The following PRPF8 variants were observed in gnomAD, a reference collection of about 807,000 sequenced individuals.
PRPF8 encodes the protein pre-mRNA-processing-splicing factor 8.
In PRPF8, 64 loss-of-function variants were observed where a neutral mutation model predicts 285.9. The observed-to-expected ratio is 0.22, with a 90% confidence interval of 0.18 to 0.28. PRPF8 has a LOEUF of 0.28. Ranked by LOEUF, PRPF8 falls within the 10% of genes least tolerant of loss-of-function variation. The pLI, the probability that PRPF8 is intolerant of heterozygous loss-of-function variation, is 1.00. For missense variants in PRPF8, 1,426 were observed against 3,026.7 expected (o/e 0.47, Z 12.41); for synonymous variants, 1,325 against 1,118.2 (o/e 1.18, Z -3.69).
chr17:1,674,930 C>T (rs1206205766), intron 20 of PRPF8, among the ~76,000 whole-genome samples: 2 of 152,110 alleles, frequency 1.3e-5, no homozygotes, highest in East Asian at 1.9e-4. Context: ...CACCACCACA[C>T]CCAACTAATT....
At chr17:1,672,273 C>CT (rs1338921951) in intron 24 of PRPF8, among the ~76,000 whole-genome samples, 1 of 151,928 alleles carries the variant, frequency 6.6e-6, no homozygotes, top group Non-Finnish European at 1.5e-5. Flanking sequence ...AGTAAGGTAA[C>CT]TTTTTTTTGT....
At chr17:1,683,467 A>G in intron 3 of PRPF8, 66 bp downstream of exon 3, 1 of 1,554,634 alleles carries the variant, frequency 6.4e-7, no homozygotes, top group Non-Finnish European at 8.9e-7. Context: ...TCAATCCAAG[A>G]CTGTGGGACA....
chr17:1,678,324 C>CA (rs371598206), intron 13 of PRPF8, 194 bp downstream of exon 13: 7,448 of 576,716 alleles, frequency 0.013, 85 homozygotes, highest in African/African-American at 0.063. Flanking sequence ...CAAAACAAAA[C>CA]AAAAAAAAAA....
At position 1,651,337 on chromosome 17, in the gene PRPF8, C is replaced by T. The variant is rs773668031; in HGVS notation, c.6651-27G>A. The T allele has an allele frequency of 5.6e-6, 9 of 1,613,930 alleles. No individual in the cohort carries two copies. The South Asian group carries it at 8.8e-5, about 16-fold the overall frequency. On this transcript the variant is annotated intron_variant, in intron 41 of 42. Transcript: ENST00000304992. The surrounding 1 kb of genome is among the most constrained non-coding windows in gnomAD (Gnocchi z 5.1). ...TGGGGGAGGAACGAGGACAGAGTAA[C>T]AGCTCAGGCCACTGTTCTGGGCCCT... is the stretch of plus-strand genomic sequence containing the variant.
At chr17:1,654,973 TTTTG>T in intron 37 of PRPF8, 3 of 197,018 alleles carry the variant, frequency 1.5e-5, no homozygotes, top group South Asian at 8.9e-5. Flanking sequence ...TTTTTTTTTT[TTTTG>T]GAGACAGTCT....
rs113600062 is a variant in PRPF8 at position 1,662,593 on chromosome 17, GAAAA to G, written c.3775-444_3775-441del. Among the ~76,000 whole-genome samples, 3 of 132,828 alleles carry G rather than the reference GAAAA, an allele frequency of 2.3e-5. No individual in the cohort carries two copies. In the South Asian group the frequency reaches 7.3e-4, roughly 32 times the overall value. The allele number at this position is 132,828 out of a possible 152,430, so 87.1% of individuals were successfully genotyped here. A position where few individuals can be genotyped will look rare whatever the true frequency, so the allele number is the denominator to read the frequency against. On this transcript the variant is annotated intron_variant, in intron 24 of 42. Transcript: ENST00000304992. The stretch of plus-strand genomic sequence containing the variant: ...AACACAGCGAGACTCCATCTCAGGG[GAAAA>G]AAAAAAAAAAATGGTTCCCCTGGGC...
In PRPF8 at chr17:1,673,751, A is replaced by G; in HGVS notation, c.3441T>C (p.Val1147=). The G allele has an allele frequency of 1.9e-6, 3 of 1,614,020 alleles. No homozygotes were observed. The highest frequency in any genetic ancestry group is 2.5e-6 in the Non-Finnish European group (3 of 1,180,024). ...DARMRLMKHD[V]NLGRAVFWDI... is the part of the protein sequence containing the mutation. ...CAGCCCCAACCTAGACTCACAAGTT[A>G]ACATCATGTTTCATGAGGCGCATGC... Residue 1147 remains valine, a synonymous_variant, in exon 22 of 43, where the codon GTT becomes GTC. Coordinates refer to ENST00000304992, the MANE Select transcript of PRPF8 (RefSeq NM_006445.4). This position sits in a 1 kb window ranked among gnomAD's most constrained non-coding sequence, Gnocchi z 5.5.
intron 8 of PRPF8, chr17:1,680,447 G>A (rs1357973689): frequency 1.9e-6 from 1 of 534,918 alleles, no homozygotes; most frequent in East Asian, 3.3e-5. Flanking sequence ...CAATATAAAG[G>A]CTAAAACAAA....
chr17:1,667,172 C>CA (rs59519986), intron 24 of PRPF8, among the ~76,000 whole-genome samples: 41 of 144,428 alleles, frequency 2.8e-4, no homozygotes, highest in South Asian at 8.8e-4. Context: ...GACTCCCTCT[C>CA]AAAAAAAAAA....
chr17:1,681,372 A>T, intron 6 of PRPF8, 106 bp downstream of exon 6: 1 of 1,260,666 alleles, frequency 7.9e-7, no homozygotes, highest in Non-Finnish European at 1.2e-6. Flanking sequence ...GAGCCACTGC[A>T]CCTGGTGTAA....
chr17:1,661,443 C>A lies in PRPF8; in HGVS notation c.4203-37G>T. ...AGAAAGATTCAAGTCAAAACGTGAT[C>A]TCATATGAGGAGCTCAGCACTCCTT... On this transcript the variant is annotated intron_variant, in intron 26 of 42. Transcript: ENST00000304992. This position sits in a 1 kb window ranked among gnomAD's most constrained non-coding sequence, Gnocchi z 7.3. 1 of 1,613,990 alleles carries A rather than the reference C, an allele frequency of 6.2e-7. No homozygotes were observed. Among genetic ancestry groups the A allele is most frequent in the Non-Finnish European group, 8.5e-7 (1 of 1,180,024 alleles).
rs1170956673 is a variant in PRPF8, at chr17:1,684,572, A to G, written c.-1T>C. ...CTCGATAAGGAAACACTCCGGCCAT[A>G]TCCGGAGAATCTGGGGAGCGGCGGG... is the stretch of plus-strand genomic sequence containing the variant. On this transcript the variant is annotated 5_prime_UTR_variant, in exon 2 of 43. Transcript: ENST00000304992. The G allele has an allele frequency of 6.2e-7, 1 of 1,612,334 alleles. No individual in the cohort carries two copies. Among genetic ancestry groups the G allele is most frequent in the East Asian group, 2.2e-5 (1 of 44,866 alleles).
In PRPF8 at chr17:1,676,006, G is replaced by T. The variant is rs117892584; in HGVS notation, c.2601C>A (p.Ile867=). 3 of 1,613,760 alleles carry T rather than the reference G, an allele frequency of 1.9e-6. No homozygotes were observed. Among genetic ancestry groups the T allele is most frequent in the Non-Finnish European group, 2.5e-6 (3 of 1,180,024 alleles). Residue 867 remains isoleucine, a synonymous_variant, in exon 18 of 43, where the codon ATC becomes ATA. Coordinates refer to ENST00000304992, the MANE Select transcript of PRPF8 (RefSeq NM_006445.4). The surrounding 1 kb of genome is among the most constrained non-coding windows in gnomAD (Gnocchi z 6.3). ...NQSQREELGL[I]EQAYDNPHEA... ...CGTGGGGGTTATCGTAGGCCTGCTC[G>T]ATCAGACCTAGCTCCTCCCTCTGAG...
intron 30 of PRPF8, 93 bp from the exon 31 acceptor site, chr17:1,660,094 A>C: frequency 3.0e-4 from 416 of 1,405,778 alleles, no homozygotes; most frequent in Non-Finnish European, 3.9e-4. Context: ...TAGGAGTCTC[A>C]TCCTCAGAGC....
chr17:1,651,908 C>A lies in PRPF8; in HGVS notation c.6370-120G>T. ...AGGACAGAGTTTCTTAAAACGTGAT[C>A]AGAACCCCCTGTATCAGAATCAGCT... On this transcript the variant is annotated intron_variant, in intron 39 of 42. Transcript: ENST00000304992. The surrounding 1 kb of genome is among the most constrained non-coding windows in gnomAD (Gnocchi z 5.1). The A allele has an allele frequency of 7.8e-7, 1 of 1,281,450 alleles. No homozygotes were observed. The highest frequency in any genetic ancestry group is 1.2e-5 in the South Asian group (1 of 83,902). The allele number at this position is 1,281,450 out of a possible 1,614,324, so 79.4% of individuals were successfully genotyped here.
intron 24 of PRPF8, among the ~76,000 whole-genome samples, chr17:1,666,554 A>C (rs1348139648): frequency 6.6e-6 from 1 of 152,142 alleles, no homozygotes; most frequent in Non-Finnish European, 1.5e-5. Flanking sequence ...CTCAAAAAAA[A>C]AAAAAATCAA....
intron 2 of PRPF8, 100 bp from the exon 3 acceptor site, chr17:1,683,801 GCAGGCAC>G: frequency 7.2e-7 from 1 of 1,392,232 alleles, no homozygotes; most frequent in Non-Finnish European, 1.0e-6. Flanking sequence ...TGAGGGAGAA[GCAGGCAC>G]CAGCAGGAAG....
Position 1,679,263 on chromosome 17 carries a change from T to C in PRPF8, c.1409+28A>G. On this transcript the variant is annotated intron_variant, in intron 10 of 42. Transcript: ENST00000304992. This position sits in a 1 kb window ranked among gnomAD's most constrained non-coding sequence, Gnocchi z 4.7. ...CCTACTGATATCTCTGGAACAGAAG[T>C]CTGCGCAGGGCCCCTGGGGCACCTT... 6.2e-7 allele frequency: 1 copy of C among 1,614,176 alleles called. No individual in the cohort carries two copies. Among genetic ancestry groups the C allele is most frequent in the Non-Finnish European group, 8.5e-7 (1 of 1,180,018 alleles).
At chr17:1,671,574 G>A (rs939637344) in intron 24 of PRPF8, among the ~76,000 whole-genome samples, 11 of 152,106 alleles carry the variant, frequency 7.2e-5, no homozygotes, top group South Asian at 2.1e-4. Flanking sequence ...AAATCAGGCC[G>A]GGTGTGGTGG....
Sources: gnomAD v4.1 joint callset for allele counts (sites outside exome capture counted in the v4.1 genomes callset) on GRCh38, gnomAD v4.1.1 for gene constraint, Gnocchi (gnomAD v3.1) non-coding constraint, MANE v1.5 for transcripts, NCBI Gene and HGNC (gene_info 2026-07-23, HGNC 2026-07-21) for gene names.